Variants in KLRF2 observed in about 807,000 individuals in gnomAD.
KLRF2 encodes the protein killer cell lectin-like receptor subfamily F member 2.
A neutral mutation model predicts 25.3 loss-of-function variants in KLRF2; 28 were observed. That is an observed-to-expected ratio of 1.11 (90% CI 0.82 to 1.52). The LOEUF is 1.52. Ranked by LOEUF, KLRF2 falls within the 40% of genes most tolerant of loss-of-function variation. The probability of loss-of-function intolerance (pLI) is 0.00; values close to 1 mark genes in which losing one functional copy is unlikely to be tolerated. For synonymous variants in KLRF2, 73 were observed against 85.0 expected, an observed-to-expected ratio of 0.86 and a Z score of 0.78; for missense variants, 265 against 245.8, an observed-to-expected ratio of 1.08 and a Z score of -0.52.
At chr12:9,886,321 C>A (rs1456729718) in intron 2 of KLRF2, among the ~76,000 whole-genome samples, 6 of 152,008 alleles carry the variant, frequency 3.9e-5, no homozygotes, top group Non-Finnish European at 8.8e-5. Context: ...TCTCCTCTCT[C>A]CCAATAATCT....
intron 1 of KLRF2, among the ~76,000 whole-genome samples, chr12:9,882,097 G>A (rs1868100470): frequency 6.6e-6 from 1 of 151,846 alleles, no homozygotes; most frequent in East Asian, 1.9e-4. Context: ...TACTGGGAAT[G>A]CGAGAAGAGA....
At position 9,888,565 on chromosome 12, in the gene KLRF2, C is replaced by T. The variant is rs569215660; in HGVS notation, c.170-168C>T. Among the ~76,000 whole-genome samples the T allele has an allele frequency of 7.0e-4, 106 of 151,902 alleles. No individual in the cohort carries two copies. The South Asian group carries it at 0.02, about 29-fold the overall frequency. On this transcript the variant is annotated intron_variant, in intron 2 of 5. Coordinates refer to ENST00000535540, the MANE Select transcript of KLRF2 (RefSeq NM_001190765.1). ...CTTAAAGGAGTAAAAACAGATATGGCGAAACGTAGTTAAATCTGGGGAAGA... is the reference window on the plus strand; with the variant it reads ...CTTAAAGGAGTAAAAACAGATATGGTGAAACGTAGTTAAATCTGGGGAAGA...
intron 2 of KLRF2, among the ~76,000 whole-genome samples, chr12:9,887,729 T>C (rs1012585078): frequency 1.3e-5 from 2 of 151,776 alleles, no homozygotes; most frequent in African/African-American, 4.8e-5. Flanking sequence ...AAAGAGTTTT[T>C]TTTTTTTTTT....
intron 1 of KLRF2, 60 bp downstream of exon 1, chr12:9,881,725 T>G: frequency 8.4e-7 from 1 of 1,193,450 alleles, no homozygotes; most frequent in Non-Finnish European, 1.2e-6. Flanking sequence ...AGGAAGAGAA[T>G]TATCTTAGAA....
chr12:9,892,516 C>T (rs1484062587), intron 3 of KLRF2, among the ~76,000 whole-genome samples: 2 of 151,600 alleles, frequency 1.3e-5, no homozygotes, highest in Non-Finnish European at 2.9e-5. Flanking sequence ...AATCCATCAT[C>T]CAAAACCCTG....
In KLRF2 at chr12:9,884,950, A is replaced by G. The variant is rs555911817; in HGVS notation, c.87A>G (p.Pro29=). ...KQKSKDFSLY[P]QYYCLLLIFG... ...ACATTTCAGATTTCTCCCTATATCCACAATATTATTGTCTTCTGCTCATAT... is the reference window on the plus strand; with the variant it reads ...ACATTTCAGATTTCTCCCTATATCCGCAATATTATTGTCTTCTGCTCATAT... Residue 29 remains proline (P), a synonymous_variant, in exon 2 of 6, where the codon CCA becomes CCG. Coordinates refer to ENST00000535540, the MANE Select transcript of KLRF2 (RefSeq NM_001190765.1). 3.1e-5 allele frequency: 39 copies of G among 1,261,486 alleles called. 1 individual carries two copies. In the South Asian group the frequency reaches 7.2e-4, roughly 23 times the overall value. 78.1% of individuals were successfully genotyped at this position (1,261,486 alleles called of 1,614,324 possible). A position where few individuals can be genotyped will look rare whatever the true frequency, so the allele number is the denominator to read the frequency against.
intron 1 of KLRF2, among the ~76,000 whole-genome samples, chr12:9,883,698 AAAAG>A (rs1438320153): frequency 2.0e-5 from 3 of 152,232 alleles, no homozygotes; most frequent in Non-Finnish European, 4.4e-5. Context: ...ACAGGGAAGA[AAAAG>A]AAAGAAAATT....
rs1040142840 is a variant in KLRF2 at position 9,893,096 on chromosome 12, G to A, written c.294G>A (p.Thr98=). 19 of 1,535,458 alleles carry A rather than the reference G, an allele frequency of 1.2e-5. No homozygotes were observed. The highest frequency in any genetic ancestry group is 4.1e-5 in the African/African-American group (3 of 73,002). ...ACTGGTTTTCAACTTCTTTTAAAAC[G>A]TGGAAAGAGAGTCAACGTGATTGTA... The part of the protein sequence containing the change: ...KCYWFSTSFK[T]WKESQRDCTQ... Residue 98 remains threonine, a synonymous_variant, in exon 4 of 6, where the codon ACG becomes ACA. Transcript: ENST00000535540.
chr12:9,893,291 T>A (rs1342645311), intron 4 of KLRF2, 123 bp downstream of exon 4: 1 of 895,746 alleles, frequency 1.1e-6, no homozygotes, highest in Non-Finnish European at 1.6e-6. Flanking sequence ...CACAATGTAG[T>A]CACTATTGTT....
chr12:9,883,908 T>C (rs558425696), intron 1 of KLRF2, among the ~76,000 whole-genome samples: 44 of 152,306 alleles, frequency 2.9e-4, no homozygotes, highest in Non-Finnish European at 5.9e-4. Flanking sequence ...AAATTATTTG[T>C]GAAATGTACA....
intron 3 of KLRF2, among the ~76,000 whole-genome samples, chr12:9,891,723 C>CATGTATTAATGAGTTAAGAATATAT (rs2137002528): frequency 6.6e-6 from 1 of 152,202 alleles, no homozygotes; most frequent in Admixed American, 6.5e-5. Context: ...CCGGATACAG[C>CATGTATTAATGAGTTAAGAATATAT]ATGTATTAAT....
chr12:9,893,551 T>C lies in KLRF2; in HGVS notation c.479+10T>C. The C allele has an allele frequency of 8.8e-7, 1 of 1,134,642 alleles. No homozygotes were observed. Among genetic ancestry groups the C allele is most frequent in the South Asian group, 1.4e-5 (1 of 69,942 alleles). 70.3% of individuals were successfully genotyped at this position (1,134,642 alleles called of 1,614,324 possible). A position where few individuals can be genotyped will look rare whatever the true frequency, so the allele number is the denominator to read the frequency against. ...TTTTAGTTCCAGAATTGTGAGTAGT[T>C]ATTTGTAAGGGAGGGGTGCTAATGT... On this transcript the variant is annotated intron_variant, in intron 5 of 5. Transcript: ENST00000535540.
chr12:9,886,617 C>G (rs1019200398), intron 2 of KLRF2, among the ~76,000 whole-genome samples: 1 of 151,294 alleles, frequency 6.6e-6, no homozygotes, highest in Admixed American at 6.6e-5. Flanking sequence ...ATGCTTATTA[C>G]CAATTAAATT....
intron 1 of KLRF2, 23 bp downstream of exon 1, chr12:9,881,688 C>T: frequency 6.7e-7 from 1 of 1,496,272 alleles, no homozygotes; most frequent in Non-Finnish European, 9.0e-7. Flanking sequence ...CTCCCCATCA[C>T]CGCATTTAAA....
chr12:9,890,032 C>T (rs1862655888), intron 3 of KLRF2, among the ~76,000 whole-genome samples: 1 of 151,816 alleles, frequency 6.6e-6, no homozygotes, highest in Non-Finnish European at 1.5e-5. Flanking sequence ...AAAACAGCAC[C>T]AATAATTATC....
intron 3 of KLRF2, among the ~76,000 whole-genome samples, chr12:9,890,843 G>A (rs1182944821): frequency 2.6e-5 from 4 of 152,178 alleles, no homozygotes; most frequent in African/African-American, 9.7e-5. Context: ...CCAGAGGCTG[G>A]ACCTATGGGG....
intron 2 of KLRF2, among the ~76,000 whole-genome samples, chr12:9,886,164 T>C (rs1039128268): frequency 6.6e-6 from 1 of 152,172 alleles, no homozygotes; most frequent in Non-Finnish European, 1.5e-5. Context: ...GTAAAAATAT[T>C]TTTTTCTAGC....
chr12:9,888,497 A>AAT (rs996634336), intron 2 of KLRF2, among the ~76,000 whole-genome samples: 2 of 152,050 alleles, frequency 1.3e-5, no homozygotes, highest in Non-Finnish European at 2.9e-5. Flanking sequence ...CTCAAAAAAA[A>AAT]AATAAAAATA....
chr12:9,882,375 T>A (rs1176220902), intron 1 of KLRF2, among the ~76,000 whole-genome samples: 1 of 152,230 alleles, frequency 6.6e-6, no homozygotes, highest in Non-Finnish European at 1.5e-5. Context: ...CTTTTGTTAT[T>A]ATCTGAAGAC....
Sources: allele counts gnomAD v4.1 joint callset (sites outside exome capture counted in the v4.1 genomes callset), GRCh38; gene constraint gnomAD v4.1.1; transcripts MANE v1.5; gene names NCBI Gene and HGNC (gene_info 2026-07-23, HGNC 2026-07-21).